SLC24A2: variants seen among roughly 807,000 people sequenced by gnomAD.
The protein encoded by SLC24A2 is solute carrier family 24 member 2.
Under a neutral mutation model 62.0 loss-of-function variants are expected in SLC24A2, and 36 were observed. The observed-to-expected ratio is 0.58, with a 90% CI of 0.44 to 0.77. The LOEUF is 0.77. Ranked by LOEUF, SLC24A2 falls within the 30% of genes least tolerant of loss-of-function variation. SLC24A2 has a pLI of 0.00. For missense variants in SLC24A2, 846 were observed against 817.9 expected (o/e 1.03, Z -0.42); for synonymous variants, 358 against 294.0 (o/e 1.22, Z -2.23).
At chr9:19,518,924 T>C (rs1373583960) in intron 10 of SLC24A2, among the ~76,000 whole-genome samples, 1 of 152,198 alleles carries the variant, frequency 6.6e-6, no homozygotes, top group Non-Finnish European at 1.5e-5. Flanking sequence ...CAATACCCAT[T>C]AAGATGTTCA....
chr9:19,983,485 A>C, the SLC24A2 span, among the ~76,000 whole-genome samples: 1 of 152,082 alleles, frequency 6.6e-6, no homozygotes, highest in Admixed American at 6.6e-5. Flanking sequence ...TCTACTAAAA[A>C]CACAAAAATT....
rs1460758112 is a variant in SLC24A2 at position 19,702,434 on chromosome 9, T to A, written c.931-80135A>T. On this transcript the variant is annotated intron_variant, in intron 2 of 10. Transcript: ENST00000341998. ...CTTCATCACAAACAAATGATCTCGATACACTTTGGGGTTCTGCAAGATTTA... is the reference window on the plus strand; with the variant it reads ...CTTCATCACAAACAAATGATCTCGAAACACTTTGGGGTTCTGCAAGATTTA... Among the ~76,000 whole-genome samples the A allele has an allele frequency of 3.9e-5, 6 of 152,344 alleles. No individual in the cohort carries two copies. In the South Asian group the frequency reaches 1.2e-3, roughly 32 times the overall value.
At chr9:19,635,613 C>T (rs1006140443) in intron 2 of SLC24A2, among the ~76,000 whole-genome samples, 6 of 152,100 alleles carry the variant, frequency 3.9e-5, no homozygotes, top group Non-Finnish European at 8.8e-5. Context: ...AGTGAAAGAC[C>T]GTGCTTATAT....
chr9:20,229,286 A>G, the SLC24A2 span, among the ~76,000 whole-genome samples: 5 of 152,124 alleles, frequency 3.3e-5, no homozygotes, highest in African/African-American at 7.2e-5. Context: ...GACCTTGATC[A>G]AGTGCTTTGA....
At chr9:20,271,395 C>T in the SLC24A2 span, among the ~76,000 whole-genome samples, 1 of 152,230 alleles carries the variant, frequency 6.6e-6, no homozygotes, top group African/African-American at 2.4e-5. Context: ...TGTCTTTATT[C>T]ATCCTCTGCT....
the SLC24A2 span, among the ~76,000 whole-genome samples, chr9:20,252,629 G>A: frequency 1.3e-5 from 2 of 152,146 alleles, no homozygotes; most frequent in East Asian, 3.8e-4. Context: ...TTACAGATAG[G>A]GATATTGAGG....
Position 19,636,377 on chromosome 9 carries a change from T to C in SLC24A2, c.931-14078A>G, listed in dbSNP as rs1245957663. On this transcript the variant is annotated intron_variant, in intron 2 of 10. Coordinates refer to ENST00000341998, the MANE Select transcript of SLC24A2 (RefSeq NM_020344.4). The stretch of plus-strand genomic sequence containing the variant: ...TTTCTTTCTTTCTTTCTTTCTTTCT[T>C]TCTTTCTTTCTCCCTCTCTCTCTCT... Among the ~76,000 whole-genome samples the C allele has an allele frequency of 4.9e-4, 12 of 24,270 alleles. 2 individuals carry two copies. Among genetic ancestry groups the C allele is most frequent in the South Asian group, 1.9e-3 (1 of 518 alleles). The allele number at this position is 24,270 out of a possible 152,430, so 15.9% of individuals were successfully genotyped here. A position where few individuals can be genotyped will look rare whatever the true frequency, so the allele number is the denominator to read the frequency against.
At chr9:19,537,143 G>T (rs1233619704) in intron 8 of SLC24A2, among the ~76,000 whole-genome samples, 3 of 150,586 alleles carry the variant, frequency 2.0e-5, no homozygotes, top group South Asian at 2.1e-4. Context: ...TTTCTCCCAT[G>T]TTGTAGGTTG....
chr9:19,809,815 A>C, the SLC24A2 span, among the ~76,000 whole-genome samples: 1 of 152,128 alleles, frequency 6.6e-6, no homozygotes. Context: ...CTTCCGTTGC[A>C]TCAGCCACCT....
intron 7 of SLC24A2, among the ~76,000 whole-genome samples, chr9:19,552,518 AT>A (rs938524036): frequency 2.0e-5 from 3 of 151,404 alleles, no homozygotes; most frequent in African/African-American, 4.9e-5. Flanking sequence ...ATGAGAGATG[AT>A]TTTTTTTTCT....
the SLC24A2 span, among the ~76,000 whole-genome samples, chr9:20,178,025 G>A: frequency 6.6e-6 from 1 of 152,032 alleles, no homozygotes; most frequent in Non-Finnish European, 1.5e-5. Flanking sequence ...ACCATTCTAA[G>A]TAAATGACTG....
At chr9:19,601,531 G>T (rs1011202596) in intron 4 of SLC24A2, among the ~76,000 whole-genome samples, 7 of 152,144 alleles carry the variant, frequency 4.6e-5, no homozygotes, top group Admixed American at 2.6e-4. Flanking sequence ...CTCCATTCTG[G>T]AAGTCAGAGA....
chr9:20,126,672 A>G, the SLC24A2 span, among the ~76,000 whole-genome samples: 2 of 152,152 alleles, frequency 1.3e-5, no homozygotes, highest in African/African-American at 2.4e-5. Flanking sequence ...AAATCTTAGA[A>G]GAGGAATTTT....
chr9:19,701,615 G>T (rs566494679), intron 2 of SLC24A2, among the ~76,000 whole-genome samples: 3 of 152,314 alleles, frequency 2.0e-5, no homozygotes, highest in Admixed American at 1.3e-4. Flanking sequence ...AAATAAAGAC[G>T]CAGGTTTGAA....
chr9:20,055,388 C>G, the SLC24A2 span, among the ~76,000 whole-genome samples: 1 of 152,142 alleles, frequency 6.6e-6, no homozygotes, highest in African/African-American at 2.4e-5. Context: ...TAGTGCTTAA[C>G]TACTTGACAG....
intron 10 of SLC24A2, among the ~76,000 whole-genome samples, chr9:19,517,813 TGATGG>T (rs566203610): frequency 5.9e-5 from 9 of 151,268 alleles, no homozygotes; most frequent in Non-Finnish European, 1.2e-4. Flanking sequence ...AGAGTGGGGG[TGATGG>T]CAAACTGAGA....
At chr9:19,517,803 A>T (rs1434026768) in intron 10 of SLC24A2, among the ~76,000 whole-genome samples, 2 of 151,960 alleles carry the variant, frequency 1.3e-5, no homozygotes, top group Non-Finnish European at 2.9e-5. Context: ...GGAGTGCCTG[A>T]GAGTGGGGGT....
chr9:19,762,526 T>C (rs916707118), intron 2 of SLC24A2, among the ~76,000 whole-genome samples: 1 of 152,216 alleles, frequency 6.6e-6, no homozygotes, highest in African/African-American at 2.4e-5. Flanking sequence ...TTTCTGCATA[T>C]GGCTAGCCAG....
chr9:19,947,175 TA>T, the SLC24A2 span, among the ~76,000 whole-genome samples: 10 of 152,206 alleles, frequency 6.6e-5, no homozygotes, highest in African/African-American at 1.9e-4. Context: ...CCTGCAGTGA[TA>T]CTCACTGATT....
Sources: gnomAD v4.1 joint callset for allele counts (sites outside exome capture counted in the v4.1 genomes callset) on GRCh38, gnomAD v4.1.1 for gene constraint, MANE v1.5 for transcripts, NCBI Gene and HGNC (gene_info 2026-07-23, HGNC 2026-07-21) for gene names.